The following IGF1R variants were observed in gnomAD, a reference collection of about 807,000 sequenced individuals.
IGF1R encodes insulin-like growth factor 1 receptor.
IGF1R carries 44 observed loss-of-function variants against 144.6 expected under a neutral mutation model. That is an observed-to-expected ratio of 0.30 (90% CI 0.24 to 0.39). IGF1R has a LOEUF of 0.39. IGF1R is among the 10% of genes least tolerant of loss of function. The pLI is 1.00. For synonymous variants in IGF1R, 795 were observed against 722.8 expected (o/e 1.10, Z -1.60); for missense variants, 1,355 against 1,833.7 (o/e 0.74, Z 4.77).
chr15:98,668,524 C>G (rs1169407252), intron 1 of IGF1R, among the ~76,000 whole-genome samples: 2 of 152,230 alleles, frequency 1.3e-5, no homozygotes, highest in Non-Finnish European at 2.9e-5. Context: ...AGTGCACCTT[C>G]TGAGCACCCC....
At chr15:98,703,822 G>A (rs1471906391) in intron 1 of IGF1R, among the ~76,000 whole-genome samples, 1 of 152,212 alleles carries the variant, frequency 6.6e-6, no homozygotes, top group East Asian at 1.9e-4. Flanking sequence ...TTGTCTTCAT[G>A]TTGTTTCACT....
At position 98,844,286 on chromosome 15, in the gene IGF1R, A is replaced by G. The variant is rs151146547; in HGVS notation, c.641-47039A>G. ...CAAGTCTAAATAAATTTGGAAGACA[A>G]AGAGAATATCATAGTTTAGTTCAAT... is the stretch of plus-strand genomic sequence containing the variant. On this transcript the variant is annotated intron_variant, in intron 2 of 20. Transcript: ENST00000650285. Among the ~76,000 whole-genome samples, 164 of 151,770 alleles carry G rather than the reference A, an allele frequency of 1.1e-3. 1 individual carries two copies. The highest frequency in any genetic ancestry group is 3.7e-3 in the African/African-American group (154 of 41,552).
At chr15:98,693,202 C>T (rs567465047) in intron 1 of IGF1R, among the ~76,000 whole-genome samples, 55 of 152,248 alleles carry the variant, frequency 3.6e-4, no homozygotes, top group Middle Eastern at 3.4e-3. Context: ...CCTGTTTGGT[C>T]TTGGAAGCTG....
In IGF1R at chr15:98,964,212, A is replaced by AT. The variant is rs926588671; in HGVS notation, c.*6777dup. 1.3e-5 allele frequency: 3 copies of AT among 232,434 alleles called. No individual in the cohort carries two copies. The highest frequency in any genetic ancestry group is 4.4e-5 in the African/African-American group (2 of 45,224). 14.4% of individuals were successfully genotyped at this position (232,434 alleles called of 1,614,324 possible). A position where few individuals can be genotyped will look rare whatever the true frequency, so the allele number is the denominator to read the frequency against. On this transcript the variant is annotated 3_prime_UTR_variant, in exon 21 of 21. Transcript: ENST00000650285. The stretch of plus-strand genomic sequence containing the variant: ...TTCTGAGTTTTCTTGTTAAAAAAAA[A>AT]TTTTTTTAAGTAAGAAAAAAAAAGG...
chr15:98,903,245 G>T (rs1406171250), intron 5 of IGF1R, among the ~76,000 whole-genome samples: 1 of 152,144 alleles, frequency 6.6e-6, no homozygotes, highest in African/African-American at 2.4e-5. Context: ...TTTCCTGATG[G>T]CATCAGATAA....
intron 2 of IGF1R, among the ~76,000 whole-genome samples, chr15:98,734,044 C>G (rs1310804475): frequency 1.3e-5 from 2 of 152,196 alleles, no homozygotes; most frequent in African/African-American, 2.4e-5. Context: ...CCCTCAGATG[C>G]TGACCGTATC....
rs140527392 is a variant in IGF1R, at chr15:98,924,236, A to G, written c.2622+224A>G. Among the ~76,000 whole-genome samples, 273 of 152,376 alleles carry G rather than the reference A, an allele frequency of 1.8e-3. 1 individual carries two copies. Among genetic ancestry groups the G allele is most frequent in the African/African-American group, 6.2e-3 (258 of 41,594 alleles). ...CTTTTTGCCCTCAAGAAACGATTTC[A>G]TTGTGTAAGATAACCTTGTGGCATA... On this transcript the variant is annotated intron_variant, in intron 12 of 20. Transcript: ENST00000650285.
At chr15:98,688,656 A>AT (rs545736949) in intron 1 of IGF1R, among the ~76,000 whole-genome samples, 43 of 147,142 alleles carry the variant, frequency 2.9e-4, no homozygotes, top group Admixed American at 6.1e-4. Context: ...TTAAGTCCTC[A>AT]TTTTTTTTTT....
intron 2 of IGF1R, among the ~76,000 whole-genome samples, chr15:98,749,968 A>C (rs2054967733): frequency 6.6e-6 from 1 of 150,998 alleles, no homozygotes; most frequent in Non-Finnish European, 1.5e-5. Context: ...GAACAAAGAT[A>C]TTTGCTCGAC....
chr15:98,673,853 C>G (rs1567068904), intron 1 of IGF1R, among the ~76,000 whole-genome samples: 2 of 152,218 alleles, frequency 1.3e-5, no homozygotes, highest in Non-Finnish European at 2.9e-5. Flanking sequence ...TTTTGCATGT[C>G]TGAGGCCAGC....
At chr15:98,930,704 CATT>C (rs746378227) in intron 15 of IGF1R, among the ~76,000 whole-genome samples, 2 of 152,124 alleles carry the variant, frequency 1.3e-5, no homozygotes, top group South Asian at 2.1e-4. Context: ...AGTATCATCT[CATT>C]ATAATTGTCT....
intron 2 of IGF1R, chr15:98,824,168 C>T (rs901455944): frequency 2.6e-5 from 4 of 152,168 alleles, no homozygotes; most frequent in African/African-American, 7.2e-5. Context: ...CAGGGCTGCC[C>T]GTTCTCCCCA....
At chr15:98,898,711 C>T (rs978780161) in intron 4 of IGF1R, among the ~76,000 whole-genome samples, 6 of 152,170 alleles carry the variant, frequency 3.9e-5, no homozygotes, top group Non-Finnish European at 8.8e-5. Context: ...GGACCACACC[C>T]AGTTCATTAT....
intron 2 of IGF1R, among the ~76,000 whole-genome samples, chr15:98,834,254 G>A (rs1055372432): frequency 9.9e-5 from 15 of 152,168 alleles, no homozygotes; most frequent in African/African-American, 3.6e-4. Flanking sequence ...CATCACCATG[G>A]TGCCTGGCAT....
At chr15:98,789,403 A>G (rs957943953) in intron 2 of IGF1R, among the ~76,000 whole-genome samples, 6 of 152,136 alleles carry the variant, frequency 3.9e-5, no homozygotes, top group Non-Finnish European at 2.9e-5. Context: ...TTCCTTATGT[A>G]TGTAGTATGT....
chr15:98,812,373 TC>T (rs928826833), intron 2 of IGF1R, among the ~76,000 whole-genome samples: 1 of 151,726 alleles, frequency 6.6e-6, no homozygotes, highest in Non-Finnish European at 1.5e-5. Flanking sequence ...TTTTTTTTTT[TC>T]AAGGCAGAGT....
In IGF1R at chr15:98,908,808, C is replaced by T. The variant is rs375300684; in HGVS notation, c.1371C>T (p.Ser457=). Residue 457 remains serine (S), a synonymous_variant, in exon 6 of 21, where the codon TCC becomes TCT. Transcript: ENST00000650285. The part of the protein sequence containing the change: ...YFAFNPKLCV[S]EIYRMEEVTG... Reference sequence around the variant, plus strand: ...CTTTCAATCCCAAATTATGTGTTTCCGAAATTTACCGCATGGAGGAAGTGA... The same window carrying T: ...CTTTCAATCCCAAATTATGTGTTTCTGAAATTTACCGCATGGAGGAAGTGA... 6.7e-5 allele frequency: 108 copies of T among 1,614,084 alleles called. No homozygotes were observed. Among genetic ancestry groups the T allele is most frequent in the Middle Eastern group, 4.9e-4 (3 of 6,062 alleles).
rs1025267342 is a variant in IGF1R, at chr15:98,960,109, C to G, written c.*2667C>G. ...TGTGTATATAGACAAAAGAATACAT[C>G]TCACCTTTCTCAGCACCTGACAATA... On this transcript the variant is annotated 3_prime_UTR_variant, in exon 21 of 21. Coordinates refer to ENST00000650285, the MANE Select transcript of IGF1R (RefSeq NM_000875.5). The G allele has an allele frequency of 4.3e-6, 1 of 233,584 alleles. No homozygotes were observed. Among genetic ancestry groups the G allele is most frequent in the South Asian group, 1.8e-4 (1 of 5,534 alleles). The allele number at this position is 233,584 out of a possible 1,614,324, so 14.5% of individuals were successfully genotyped here.
chr15:98,872,728 C>T (rs190427079), intron 2 of IGF1R, among the ~76,000 whole-genome samples: 4 of 152,194 alleles, frequency 2.6e-5, no homozygotes, highest in Admixed American at 2.0e-4. Flanking sequence ...CATTCTAACC[C>T]GAGAGTCCCT....
Sources: allele counts gnomAD v4.1 joint callset (sites outside exome capture counted in the v4.1 genomes callset), GRCh38; gene constraint gnomAD v4.1.1; transcripts MANE v1.5; gene names NCBI Gene and HGNC (gene_info 2026-07-23, HGNC 2026-07-21).